Variants in FOXJ2 observed in about 807,000 individuals in gnomAD.
FOXJ2 encodes forkhead box protein J2.
A neutral mutation model predicts 68.4 loss-of-function variants in FOXJ2; 18 were observed. That is an observed-to-expected ratio of 0.26 (90% confidence interval 0.18 to 0.39). FOXJ2 has a LOEUF of 0.39. FOXJ2 is among the 10% of genes least tolerant of loss of function. The pLI, the probability that FOXJ2 is intolerant of heterozygous loss-of-function variation, is 1.00. For missense variants in FOXJ2, 670 were observed against 726.5 expected (o/e 0.92, Z 0.89); for synonymous variants, 274 against 263.2 (o/e 1.04, Z -0.40).
chr12:8,047,054 C>T (rs1947046712), intron 6 of FOXJ2, among the ~76,000 whole-genome samples: 1 of 152,122 alleles, frequency 6.6e-6, no homozygotes, highest in South Asian at 2.1e-4. Context: ...TTTTGTTCTT[C>T]CCAGCCTGTC....
In FOXJ2 at chr12:8,050,615, G is replaced by A. The variant is rs773530747; in HGVS notation, c.1631G>A (p.Arg544His). The change falls in exon 10 of 11, where the codon CGC becomes CAC. Residue 544 changes from arginine (R) to histidine (H), a missense_variant. Physicochemically the swap from Arg to His is conservative, Grantham distance 29 (BLOSUM62 0). Around this residue, in one of 2 missense-constraint regions of FOXJ2, gnomAD observed 555 missense variants for 562.2 expected, o/e 0.99. Coordinates refer to ENST00000162391, the MANE Select transcript of FOXJ2 (RefSeq NM_018416.3). Reference protein sequence around the residue: ...IPTQDSAGYNRPAHHMVPRPS... With the variant: ...IPTQDSAGYNHPAHHMVPRPS... ...ACCCAGGACTCAGCAGGATACAATC[G>A]CCCAGGTAAGAGCTAAGAAGCTTGT... 5.0e-6 allele frequency: 8 copies of A among 1,613,822 alleles called. No individual in the cohort carries two copies. Among genetic ancestry groups the A allele is most frequent in the African/African-American group, 2.7e-5 (2 of 74,986 alleles).
intron 2 of FOXJ2, among the ~76,000 whole-genome samples, chr12:8,042,097 C>T (rs968459463): frequency 7.2e-5 from 11 of 152,152 alleles, no homozygotes; most frequent in Admixed American, 5.9e-4. Flanking sequence ...AGGCTGGTCT[C>T]GAACTCCTGA....
intron 6 of FOXJ2, among the ~76,000 whole-genome samples, 172 bp downstream of exon 6, chr12:8,045,130 G>A (rs764143975): frequency 7.2e-5 from 11 of 152,056 alleles, no homozygotes; most frequent in Non-Finnish European, 1.3e-4. Flanking sequence ...TGCAACCTCC[G>A]CCTCACGGGT....
At chr12:8,044,117 A>G in intron 5 of FOXJ2, 26 bp downstream of exon 5, 1 of 1,505,840 alleles carries the variant, frequency 6.6e-7, no homozygotes, top group Non-Finnish European at 8.9e-7. Flanking sequence ...GGCAGGGGTC[A>G]TGGGATGGGT....
At position 8,048,739 on chromosome 12, in the gene FOXJ2, A is replaced by G; in HGVS notation, c.1268A>G (p.Glu423Gly). 6.2e-7 allele frequency: 1 copy of G among 1,614,142 alleles called. No homozygotes were observed. Among genetic ancestry groups the G allele is most frequent in the Non-Finnish European group, 8.5e-7 (1 of 1,180,028 alleles). The change falls in exon 8 of 11, where the codon GAA (glutamate) becomes GGA (glycine). Residue 423 changes from glutamate (E) to glycine (G), a missense_variant. Physicochemically the swap from Glu to Gly is moderately conservative, Grantham distance 98. Coordinates refer to ENST00000162391, the MANE Select transcript of FOXJ2 (RefSeq NM_018416.3). The stretch of plus-strand genomic sequence containing the variant: ...TGCTCTAATATTGACTCTTTAAAGG[A>G]AAGCTTCAAGATGGTGAATCGGCTC... ...DWCSNIDSLK[E>G]SFKMVNRLNW...
In FOXJ2 at chr12:8,048,009, C is replaced by T; in HGVS notation, c.945C>T (p.Ser315=). 6.2e-7 allele frequency: 1 copy of T among 1,613,912 alleles called. No homozygotes were observed. The highest frequency in any genetic ancestry group is 1.1e-5 in the South Asian group (1 of 91,050). ...QQPPQPPPQQ[S]QPQQQQAPAQ... ...CGCCACAGCCACCTCCCCAGCAGTC[C>T]CAGCCACAGCAGCAGCAGGCACCTG... The change falls in exon 7 of 11, where the codon TCC becomes TCT. Residue 315 remains serine, a synonymous_variant. Transcript: ENST00000162391.
chr12:8,045,847 C>T (rs752045019), intron 6 of FOXJ2, among the ~76,000 whole-genome samples: 13 of 151,742 alleles, frequency 8.6e-5, no homozygotes, highest in South Asian at 6.2e-4. Flanking sequence ...TTAGTAGAGA[C>T]GGAGTTTCAC....
Position 8,049,360 on chromosome 12 carries a change from A to T in FOXJ2, c.1328-2A>T. On this transcript the variant is annotated splice_acceptor_variant, in intron 8 of 10. Coordinates refer to ENST00000162391, the MANE Select transcript of FOXJ2 (RefSeq NM_018416.3). LOFTEE classifies it high-confidence loss of function. ...TTGCATTGCTTGCTTCCCTCTTTGT[A>T]GAACTGATGGAGAGTCTACGACAGG... is the stretch of plus-strand genomic sequence containing the variant. 6.2e-7 allele frequency: 1 copy of T among 1,607,276 alleles called. No individual in the cohort carries two copies. The highest frequency in any genetic ancestry group is 8.5e-7 in the Non-Finnish European group (1 of 1,175,210).
intron 10 of FOXJ2, 136 bp downstream of exon 10, chr12:8,050,756 C>A: frequency 2.0e-6 from 2 of 1,002,900 alleles, no homozygotes; most frequent in Non-Finnish European, 3.0e-6. Context: ...ATTCCCAAGG[C>A]TGGAGGATGG....
chr12:8,048,242 C>T lies in FOXJ2; in HGVS notation c.1178C>T (p.Pro393Leu). ...CACCCTGCCCAGCAGCCACCACCTC[C>T]ACAGCCACAGGCACAAGGCCAGGCT... The part of the protein sequence containing the change: ...HSHPAQQPPP[P>L]QPQAQGQAPI... The change falls in exon 7 of 11, where the codon CCA (proline) becomes CTA (leucine). Residue 393 changes from proline to leucine, a missense_variant. Coordinates refer to ENST00000162391, the MANE Select transcript of FOXJ2 (RefSeq NM_018416.3). 1 of 1,599,674 alleles carries T rather than the reference C, an allele frequency of 6.3e-7. No homozygotes were observed. Among genetic ancestry groups the T allele is most frequent in the Non-Finnish European group, 8.5e-7 (1 of 1,172,718 alleles).
Position 8,032,761 on chromosome 12 carries a change from T to A in FOXJ2, c.-1087T>A, listed in dbSNP as rs1412043914. On this transcript the variant is annotated 5_prime_UTR_variant, in exon 1 of 11. Transcript: ENST00000162391. The surrounding 1 kb of genome is among the most constrained non-coding windows in gnomAD (Gnocchi z 4.8). ...CCGAGCCCGCGCCGAGCCCTGACACTGTCTGCCCGCCTTCTGGCTCCCCGG... is the reference window on the plus strand; with the variant it reads ...CCGAGCCCGCGCCGAGCCCTGACACAGTCTGCCCGCCTTCTGGCTCCCCGG... 2.5e-6 allele frequency: 1 copy of A among 397,388 alleles called. No individual in the cohort carries two copies. The highest frequency in any genetic ancestry group is 4.4e-6 in the Non-Finnish European group (1 of 225,444). 24.6% of individuals were successfully genotyped at this position (397,388 alleles called of 1,614,324 possible). A position where few individuals can be genotyped will look rare whatever the true frequency, so the allele number is the denominator to read the frequency against.
rs1168220631 is a variant in FOXJ2, at chr12:8,043,985, A to G, written c.512A>G (p.Lys171Arg). 1 of 1,573,066 alleles carries G rather than the reference A, an allele frequency of 6.4e-7. No individual in the cohort carries two copies. The highest frequency in any genetic ancestry group is 8.6e-7 in the Non-Finnish European group (1 of 1,163,028). ...GACTCACCAGAACAGGAGGCAAGCA[A>G]GAGCCCACGGGGAGGCGTTGCAGGG... ...SQDSPEQEAS[K>R]SPRGGVAGSG... The change falls in exon 5 of 11, where the codon AAG becomes AGG. Residue 171 changes from lysine to arginine, a missense_variant. Coordinates refer to ENST00000162391, the MANE Select transcript of FOXJ2 (RefSeq NM_018416.3).
At chr12:8,046,049 C>T (rs187739524) in intron 6 of FOXJ2, among the ~76,000 whole-genome samples, 6 of 152,342 alleles carry the variant, frequency 3.9e-5, no homozygotes, top group Non-Finnish European at 8.8e-5. Context: ...GTGAGCTCAT[C>T]TGTCCTTGTG....
chr12:8,048,406 C>G lies in FOXJ2; in HGVS notation c.1225+117C>G, dbSNP rs1236699470. 2.1e-6 allele frequency: 3 copies of G among 1,455,878 alleles called. No individual in the cohort carries two copies. The Admixed American group carries it at 7.5e-5, about 36-fold the overall frequency. The allele number at this position is 1,455,878 out of a possible 1,614,324, so 90.2% of individuals were successfully genotyped here. A position where few individuals can be genotyped will look rare whatever the true frequency, so the allele number is the denominator to read the frequency against. On this transcript the variant is annotated intron_variant, in intron 7 of 10. Coordinates refer to ENST00000162391, the MANE Select transcript of FOXJ2 (RefSeq NM_018416.3). Reference sequence around the variant, plus strand: ...AATGATGGGTCTTTTAGGCTTCGCTCCTTCATGTGAGCTAATCTGAACAAA... The same window carrying G: ...AATGATGGGTCTTTTAGGCTTCGCTGCTTCATGTGAGCTAATCTGAACAAA...
chr12:8,049,185 G>A (rs1188100689), intron 8 of FOXJ2, among the ~76,000 whole-genome samples, 177 bp from the exon 9 acceptor site: 2 of 152,142 alleles, frequency 1.3e-5, no homozygotes, highest in African/African-American at 2.4e-5. Flanking sequence ...TTTGGTAAGG[G>A]ATCAAATAGA....
chr12:8,047,994 A>T lies in FOXJ2; in HGVS notation c.930A>T (p.Pro310=). The T allele has an allele frequency of 6.2e-7, 1 of 1,613,328 alleles. No homozygotes were observed. The highest frequency in any genetic ancestry group is 1.1e-5 in the South Asian group (1 of 91,022). Residue 310 remains proline, a synonymous_variant, in exon 7 of 11, where the codon CCA becomes CCT. Coordinates refer to ENST00000162391, the MANE Select transcript of FOXJ2 (RefSeq NM_018416.3). ...QQQQQQQPPQ[P]PPQQSQPQQQ... Reference sequence around the variant, plus strand: ...AGCAGCAGCAGCAGCCGCCACAGCCACCTCCCCAGCAGTCCCAGCCACAGC... The same window carrying T: ...AGCAGCAGCAGCAGCCGCCACAGCCTCCTCCCCAGCAGTCCCAGCCACAGC...
chr12:8,034,312 G>A (rs1398030487), intron 1 of FOXJ2, among the ~76,000 whole-genome samples: 1 of 152,158 alleles, frequency 6.6e-6, no homozygotes, highest in African/African-American at 2.4e-5. Flanking sequence ...CACCAGAGGT[G>A]TTCCCTCCAG....
chr12:8,042,834 T>A, intron 3 of FOXJ2, 102 bp downstream of exon 3: 1 of 943,984 alleles, frequency 1.1e-6, no homozygotes, highest in Non-Finnish European at 1.7e-6. Flanking sequence ...GAAGAGGAAA[T>A]CATGCTAATT....
intron 7 of FOXJ2, 61 bp downstream of exon 7, chr12:8,048,350 C>A: frequency 6.7e-7 from 1 of 1,503,100 alleles, no homozygotes; most frequent in Non-Finnish European, 8.9e-7. Flanking sequence ...TGTCCTAACA[C>A]CGGCATGGAG....
Sources: allele counts gnomAD v4.1 joint callset (sites outside exome capture counted in the v4.1 genomes callset), GRCh38; gene constraint gnomAD v4.1.1; regional missense constraint gnomAD v4.1.1; non-coding constraint Gnocchi (gnomAD v3.1); transcripts MANE v1.5; gene names NCBI Gene and HGNC (gene_info 2026-07-23, HGNC 2026-07-21).